The following FAXC variants were observed in gnomAD, a reference collection of about 807,000 sequenced individuals.
FAXC encodes failed axon connections homolog, metaxin like GST domain containing.
In FAXC, 10 loss-of-function variants were observed where a neutral mutation model predicts 41.9. That is an observed-to-expected ratio of 0.24 (90% CI 0.15 to 0.41). The LOEUF (loss-of-function observed/expected upper bound fraction) is 0.41. FAXC is among the 10% of genes least tolerant of loss of function. FAXC has a pLI of 1.00. For synonymous variants in FAXC, 183 were observed against 183.8 expected (o/e 1.00, Z 0.03); for missense variants, 399 against 510.9 (o/e 0.78, Z 2.11).
rs1773722158 is a variant in FAXC at position 99,349,499 on chromosome 6, G to A, written c.-127C>T. The A allele has an allele frequency of 1.6e-6, 1 of 642,372 alleles. No individual in the cohort carries two copies. The highest frequency in any genetic ancestry group is 1.4e-4 in the East Asian group (1 of 7,266). The allele number at this position is 642,372 out of a possible 1,614,324, so 39.8% of individuals were successfully genotyped here. A position where few individuals can be genotyped will look rare whatever the true frequency, so the allele number is the denominator to read the frequency against. Reference sequence around the variant, plus strand: ...GGGCGGCGCGGGCGGCGGCGACTGAGGAGGCGGCGGCGACTGAGGAGGCGG... The same window carrying A: ...GGGCGGCGCGGGCGGCGGCGACTGAAGAGGCGGCGGCGACTGAGGAGGCGG... On this transcript the variant is annotated 5_prime_UTR_variant, in exon 1 of 6. Coordinates refer to ENST00000389677, the MANE Select transcript of FAXC (RefSeq NM_032511.4).
At chr6:99,336,313 G>A (rs942329050) in intron 2 of FAXC, among the ~76,000 whole-genome samples, 6 of 151,312 alleles carry the variant, frequency 4.0e-5, no homozygotes, top group Non-Finnish European at 7.4e-5. Flanking sequence ...ACAGGGTCTC[G>A]CTGTGTTGCC....
chr6:99,292,605 C>T (rs1387991845), intron 4 of FAXC, among the ~76,000 whole-genome samples: 1 of 152,234 alleles, frequency 6.6e-6, no homozygotes, highest in Non-Finnish European at 1.5e-5. Context: ...AGCTCACATC[C>T]TGGCATCACC....
At chr6:99,330,221 C>G (rs565074616) in intron 3 of FAXC, among the ~76,000 whole-genome samples, 1 of 151,974 alleles carries the variant, frequency 6.6e-6, no homozygotes, top group African/African-American at 2.4e-5. Context: ...AAAATGATAC[C>G]CATATGGGGT....
intron 1 of FAXC, among the ~76,000 whole-genome samples, chr6:99,344,182 A>G (rs925687774): frequency 1.3e-5 from 2 of 152,184 alleles, no homozygotes; most frequent in African/African-American, 4.8e-5. Flanking sequence ...GTAACTATTT[A>G]GTAAACTATC....
intron 4 of FAXC, among the ~76,000 whole-genome samples, chr6:99,320,878 T>C (rs1353007559): frequency 1.3e-5 from 2 of 152,182 alleles, no homozygotes; most frequent in Non-Finnish European, 2.9e-5. Flanking sequence ...GAGCACCAAG[T>C]ACACGTCTCT....
intron 1 of FAXC, among the ~76,000 whole-genome samples, chr6:99,343,807 T>C (rs890969650): frequency 6.6e-6 from 1 of 152,188 alleles, no homozygotes; most frequent in African/African-American, 2.4e-5. Context: ...CCATGGAACC[T>C]GCCTTCTGGA....
In FAXC at chr6:99,291,684, A is replaced by T; in HGVS notation, c.940+20T>A. 1 of 1,567,252 alleles carries T rather than the reference A, an allele frequency of 6.4e-7. No homozygotes were observed. Among genetic ancestry groups the T allele is most frequent in the South Asian group, 1.1e-5 (1 of 90,072 alleles). Reference sequence around the variant, plus strand: ...CAGCCCCAGTAAGCCCCAAAACCTGAAGAAGAGTGTAGGGCTTGCCTTTGA... The same window carrying T: ...CAGCCCCAGTAAGCCCCAAAACCTGTAGAAGAGTGTAGGGCTTGCCTTTGA... On this transcript the variant is annotated intron_variant, in intron 5 of 5. Transcript: ENST00000389677.
rs1198684904 is a variant in FAXC, at chr6:99,274,719, A to C, written c.*6445T>G. On this transcript the variant is annotated 3_prime_UTR_variant, in exon 6 of 6. Transcript: ENST00000389677. ...AACATGTCACCCCTACTGAAGCAGAAGCCTTTAGCCTTATTTCTGTAAAAA... is the reference window on the plus strand; with the variant it reads ...AACATGTCACCCCTACTGAAGCAGACGCCTTTAGCCTTATTTCTGTAAAAA... 2 of 152,242 alleles carry C rather than the reference A, an allele frequency of 1.3e-5. No individual in the cohort carries two copies. The highest frequency in any genetic ancestry group is 4.8e-5 in the African/African-American group (2 of 41,472). 9.4% of individuals were successfully genotyped at this position (152,242 alleles called of 1,614,324 possible).
intron 2 of FAXC, among the ~76,000 whole-genome samples, chr6:99,341,285 T>A (rs976841526): frequency 2.0e-5 from 3 of 152,120 alleles, no homozygotes; most frequent in African/African-American, 4.8e-5. Flanking sequence ...AAATAAGTTC[T>A]AATAAAACAA....
chr6:99,320,285 C>T (rs1772541018), intron 4 of FAXC, among the ~76,000 whole-genome samples: 1 of 152,134 alleles, frequency 6.6e-6, no homozygotes, highest in Non-Finnish European at 1.5e-5. Flanking sequence ...CCTAGCAATT[C>T]ATGATAAATA....
At chr6:99,304,426 T>G (rs959023926) in intron 4 of FAXC, among the ~76,000 whole-genome samples, 1 of 152,194 alleles carries the variant, frequency 6.6e-6, no homozygotes, top group African/African-American at 2.4e-5. Flanking sequence ...TTGAAGAACT[T>G]GAGTGTTTCC....
At chr6:99,294,297 A>G (rs1771378933) in intron 4 of FAXC, among the ~76,000 whole-genome samples, 1 of 152,224 alleles carries the variant, frequency 6.6e-6, no homozygotes, top group African/African-American at 2.4e-5. Context: ...CTGAGGGTGC[A>G]TCCCGCTGGC....
Position 99,275,283 on chromosome 6 carries a change from G to A in FAXC, c.*5881C>T, listed in dbSNP as rs1001460915. 6.6e-6 allele frequency: 1 copy of A among 152,110 alleles called. No homozygotes were observed. The highest frequency in any genetic ancestry group is 2.4e-5 in the African/African-American group (1 of 41,422). The allele number at this position is 152,110 out of a possible 1,614,324, so 9.4% of individuals were successfully genotyped here. The stretch of plus-strand genomic sequence containing the variant: ...ATGGTTAGTGGATTGTTTCAAAAAT[G>A]CATGATGGCCATTAAATTCTTTGCT... On this transcript the variant is annotated 3_prime_UTR_variant, in exon 6 of 6. Coordinates refer to ENST00000389677, the MANE Select transcript of FAXC (RefSeq NM_032511.4).
At chr6:99,320,565 T>TAGA (rs1220102075) in intron 4 of FAXC, among the ~76,000 whole-genome samples, 1 of 152,222 alleles carries the variant, frequency 6.6e-6, no homozygotes, top group Admixed American at 6.5e-5. Flanking sequence ...GCCGCTTTTC[T>TAGA]AGATCACACA....
chr6:99,274,246 C>T lies in FAXC; in HGVS notation c.*6918G>A, dbSNP rs748268699. 1 of 151,510 alleles carries T rather than the reference C, an allele frequency of 6.6e-6. No individual in the cohort carries two copies. Among genetic ancestry groups the T allele is most frequent in the Non-Finnish European group, 1.5e-5 (1 of 67,858 alleles). 9.4% of individuals were successfully genotyped at this position (151,510 alleles called of 1,614,324 possible). On this transcript the variant is annotated 3_prime_UTR_variant, in exon 6 of 6. Transcript: ENST00000389677. ...GAAATTAAGATAAAGATAAATGTTA[C>T]TTCACTTCCTGCACTGGCCACTTGT...
In FAXC at chr6:99,349,529, A is replaced by AGAG. The variant is rs59271412; in HGVS notation, c.-160_-158dup. On this transcript the variant is annotated 5_prime_UTR_variant, in exon 1 of 6. Coordinates refer to ENST00000389677, the MANE Select transcript of FAXC (RefSeq NM_032511.4). ...CGGCGGCGACTGAGGAGGCGGCGGC[A>AGAG]GAGGAGGAGGAGGAGGAAGGGCACT... is the stretch of plus-strand genomic sequence containing the variant. 65,299 of 301,186 alleles carry AGAG rather than the reference A, an allele frequency of 0.22. 9,046 individuals are homozygous for AGAG. Among genetic ancestry groups the AGAG allele is most frequent in the East Asian group, 0.43 (2,337 of 5,454 alleles). The allele number at this position is 301,186 out of a possible 1,614,324, so 18.7% of individuals were successfully genotyped here. A position where few individuals can be genotyped will look rare whatever the true frequency, so the allele number is the denominator to read the frequency against.
At chr6:99,292,421 G>A (rs1471352268) in intron 4 of FAXC, among the ~76,000 whole-genome samples, 1 of 152,176 alleles carries the variant, frequency 6.6e-6, no homozygotes, top group Non-Finnish European at 1.5e-5. Flanking sequence ...ACGATCCCAT[G>A]AAAGGATGTT....
intron 2 of FAXC, among the ~76,000 whole-genome samples, chr6:99,338,607 C>T (rs1351040108): frequency 6.6e-6 from 1 of 152,190 alleles, no homozygotes; most frequent in Non-Finnish European, 1.5e-5. Context: ...CCAAAGCTGT[C>T]ATGGCTAAGT....
At chr6:99,330,484 G>C (rs1216063387) in intron 3 of FAXC, among the ~76,000 whole-genome samples, 2 of 152,164 alleles carry the variant, frequency 1.3e-5, no homozygotes, top group Non-Finnish European at 2.9e-5. Context: ...GATTTCAAGT[G>C]GAAGAAAAGC....
Sources: allele counts gnomAD v4.1 joint callset (sites outside exome capture counted in the v4.1 genomes callset), GRCh38; gene constraint gnomAD v4.1.1; transcripts MANE v1.5; gene names NCBI Gene and HGNC (gene_info 2026-07-23, HGNC 2026-07-21).